The following PHF14 variants were observed in gnomAD, a reference collection of about 807,000 sequenced individuals.
The protein encoded by PHF14 is PHD finger protein 14.
Under a neutral mutation model 117.9 loss-of-function variants are expected in PHF14, and 55 were observed. The observed-to-expected ratio is 0.47, with a 90% CI of 0.38 to 0.58. The LOEUF (loss-of-function observed/expected upper bound fraction) is 0.58. Among genes scored for constraint, PHF14 ranks in the 20% least tolerant of loss-of-function variants. PHF14 has a pLI of 0.00. For missense variants in PHF14, 978 were observed against 1,122.2 expected (o/e 0.87, Z 1.84); for synonymous variants, 409 against 368.6 (o/e 1.11, Z -1.26).
In PHF14 at chr7:11,036,702, C is replaced by G; in HGVS notation, c.1873+14C>G. Reference sequence around the variant, plus strand: ...ATTATTATTTTGGTCAGTATAGACACTGGTACATGCACATTTTCACTGAGA... The same window carrying G: ...ATTATTATTTTGGTCAGTATAGACAGTGGTACATGCACATTTTCACTGAGA... On this transcript the variant is annotated intron_variant, in intron 9 of 17. Transcript: ENST00000634607. 3 of 1,601,222 alleles carry G rather than the reference C, an allele frequency of 1.9e-6. No homozygotes were observed. Among genetic ancestry groups the G allele is most frequent in the Non-Finnish European group, 2.6e-6 (3 of 1,170,680 alleles).
chr7:11,119,152 C>A (rs1303293587), intron 17 of PHF14, among the ~76,000 whole-genome samples: 2 of 151,842 alleles, frequency 1.3e-5, no homozygotes, highest in African/African-American at 4.8e-5. Flanking sequence ...GATAATTAAT[C>A]AAAGTACAGT....
Position 10,982,861 on chromosome 7 carries a change from A to C in PHF14, c.602A>C (p.Asn201Thr). 6.2e-7 allele frequency: 1 copy of C among 1,613,774 alleles called. No homozygotes were observed. The highest frequency in any genetic ancestry group is 8.5e-7 in the Non-Finnish European group (1 of 1,179,738). The change falls in exon 3 of 18, where the codon AAT becomes ACT. Residue 201 changes from asparagine (N) to threonine (T), a missense_variant. Transcript: ENST00000634607. ...GATTTTGTGTCCATGGAAGAGCTGA[A>C]TGACATGGATGACTATGACAGTGAG... is the stretch of plus-strand genomic sequence containing the variant. ...LLDFVSMEEL[N>T]DMDDYDSEDD...
At position 11,013,865 on chromosome 7, in the gene PHF14, T is replaced by C; in HGVS notation, c.1164T>C (p.Cys388=). The C allele has an allele frequency of 6.2e-7, 1 of 1,608,896 alleles. No individual in the cohort carries two copies. Among genetic ancestry groups the C allele is most frequent in the African/African-American group, 1.3e-5 (1 of 75,002 alleles). The stretch of plus-strand genomic sequence containing the variant: ...GTGTTTCTCCTAGCTGTGAACTGTG[T>C]CCTAATCAGGATGGAATTTTCAAGG... The part of the protein sequence containing the change: ...KCGVSPSCEL[C]PNQDGIFKET... The change falls in exon 5 of 18, where the codon TGT becomes TGC. Residue 388 remains cysteine, a synonymous_variant. Transcript: ENST00000634607.
At chr7:11,123,593 A>G (rs1310977181) in intron 17 of PHF14, among the ~76,000 whole-genome samples, 1 of 152,168 alleles carries the variant, frequency 6.6e-6, no homozygotes, top group Non-Finnish European at 1.5e-5. Context: ...CAGCCTAGTC[A>G]ATATGGTGAA....
rs1781770330 is a variant in PHF14 at position 10,973,952 on chromosome 7, T to G, written c.-372T>G. 4.9e-6 allele frequency: 1 copy of G among 205,986 alleles called. No homozygotes were observed. The highest frequency in any genetic ancestry group is 2.3e-5 in the African/African-American group (1 of 42,592). The allele number at this position is 205,986 out of a possible 1,614,324, so 12.8% of individuals were successfully genotyped here. A position where few individuals can be genotyped will look rare whatever the true frequency, so the allele number is the denominator to read the frequency against. On this transcript the variant is annotated 5_prime_UTR_variant, in exon 1 of 18. Coordinates refer to ENST00000634607, the MANE Select transcript of PHF14 (RefSeq NM_001007157.2). Reference sequence around the variant, plus strand: ...CGCCCTCGCGCTGTGCAATTTCTGGTCTTTCGTTGCTTCTGGTCCAGGCTA... The same window carrying G: ...CGCCCTCGCGCTGTGCAATTTCTGGGCTTTCGTTGCTTCTGGTCCAGGCTA...
intron 17 of PHF14, among the ~76,000 whole-genome samples, chr7:11,151,054 G>A (rs1788688326): frequency 6.6e-6 from 1 of 152,024 alleles, no homozygotes; most frequent in Non-Finnish European, 1.5e-5. Flanking sequence ...AATAAGAAAA[G>A]CAAAATAGAA....
At position 10,982,910 on chromosome 7, in the gene PHF14, T is replaced by C; in HGVS notation, c.651T>C (p.Thr217=). ...DSEDDNDWRP[T]VVKRKGRSAS... is the part of the protein sequence containing the mutation. ...AGGATGACAATGATTGGCGACCTACTGTAGTAAAGAGAAAAGGGAGATCTG... is the reference window on the plus strand; with the variant it reads ...AGGATGACAATGATTGGCGACCTACCGTAGTAAAGAGAAAAGGGAGATCTG... Residue 217 remains threonine, a synonymous_variant, in exon 3 of 18, where the codon ACT becomes ACC. Transcript: ENST00000634607. 1 of 1,612,714 alleles carries C rather than the reference T, an allele frequency of 6.2e-7. No individual in the cohort carries two copies. Among genetic ancestry groups the C allele is most frequent in the Non-Finnish European group, 8.5e-7 (1 of 1,179,184 alleles).
intron 4 of PHF14, among the ~76,000 whole-genome samples, chr7:11,006,089 C>T (rs1413068566): frequency 2.6e-5 from 4 of 152,036 alleles, no homozygotes; most frequent in African/African-American, 7.2e-5. Context: ...ATTTCTTAGT[C>T]AAAAGATAAG....
chr7:11,004,445 G>A (rs1479327911), intron 4 of PHF14, among the ~76,000 whole-genome samples: 5 of 144,996 alleles, frequency 3.4e-5, no homozygotes, highest in African/African-American at 1.3e-4. Flanking sequence ...CTTATAATCT[G>A]TATACCTCTA....
intron 6 of PHF14, among the ~76,000 whole-genome samples, chr7:11,027,235 G>C (rs1056137599): frequency 2.7e-4 from 41 of 151,904 alleles, no homozygotes; most frequent in Non-Finnish European, 5.2e-4. Flanking sequence ...TATCTCTCTT[G>C]CTCAATCTCA....
Position 11,040,664 on chromosome 7 carries a change from A to G in PHF14, c.2077-8A>G. On this transcript the variant is annotated splice_polypyrimidine_tract_variant and splice_region_variant and intron_variant, in intron 11 of 17. Transcript: ENST00000634607. ...AACAATATATACTACATTTGTTCAA[A>G]TCAATAGAAGTTGAATATACCGGCA... The G allele has an allele frequency of 6.8e-7, 1 of 1,473,524 alleles. No individual in the cohort carries two copies. The highest frequency in any genetic ancestry group is 9.2e-7 in the Non-Finnish European group (1 of 1,085,796). 91.3% of individuals were successfully genotyped at this position (1,473,524 alleles called of 1,614,324 possible).
intron 12 of PHF14, 31 bp downstream of exon 12, chr7:11,040,806 ATGT>A (rs752948754): frequency 5.5e-6 from 6 of 1,081,500 alleles, no homozygotes; most frequent in African/African-American, 3.3e-5. Flanking sequence ...TGATAGAATA[ATGT>A]TGTGTATTTT....
At chr7:11,109,390 AC>A (rs1787369254) in intron 16 of PHF14, 1 of 149,640 alleles carries the variant, frequency 6.7e-6, no homozygotes, top group Non-Finnish European at 1.5e-5. Flanking sequence ...CTTACTGATG[AC>A]CTGAGATGAC....
At chr7:10,994,299 C>T (rs180904653) in intron 4 of PHF14, among the ~76,000 whole-genome samples, 79 of 152,208 alleles carry the variant, frequency 5.2e-4, no homozygotes, top group Admixed American at 2.0e-3. Flanking sequence ...ATTAGCTGGG[C>T]ATGGTGGCAT....
At chr7:11,111,261 T>G in intron 16 of PHF14, 89 bp from the exon 17 acceptor site, 2 of 597,966 alleles carry the variant, frequency 3.3e-6, no homozygotes, top group Admixed American at 5.7e-5. Flanking sequence ...AGTTGAAATA[T>G]ACAATAGTTT....
In PHF14 at chr7:10,976,980, A is replaced by C. The variant is rs73063409; in HGVS notation, c.112+2035A>C. Among the ~76,000 whole-genome samples, 1,337 of 151,470 alleles carry C rather than the reference A, an allele frequency of 8.8e-3. 12 individuals are homozygous for C. Among genetic ancestry groups the C allele is most frequent in the East Asian group, 0.042 (216 of 5,158 alleles). ...ATTTAGAAGAAAATGATTGTATTTAAAATGATTAGTAGTCAACAGAAATTG... is the reference window on the plus strand; with the variant it reads ...ATTTAGAAGAAAATGATTGTATTTACAATGATTAGTAGTCAACAGAAATTG... On this transcript the variant is annotated intron_variant, in intron 2 of 17. Transcript: ENST00000634607.
intron 17 of PHF14, 25 bp downstream of exon 17, chr7:11,111,492 A>G: frequency 8.5e-7 from 1 of 1,169,648 alleles, no homozygotes; most frequent in Non-Finnish European, 1.3e-6. Flanking sequence ...CTATAAGAAA[A>G]GGTATTGGTG....
intron 16 of PHF14, chr7:11,103,738 A>G: frequency 1.0e-6 from 1 of 984,972 alleles, no homozygotes. Context: ...AGCAATTGTA[A>G]TTGTAAAGCT....
intron 17 of PHF14, among the ~76,000 whole-genome samples, chr7:11,129,619 C>G (rs1418699636): frequency 8.8e-6 from 1 of 113,234 alleles, no homozygotes; most frequent in Non-Finnish European, 1.9e-5. Context: ...AAAATATTTT[C>G]TTTCTGTTGA....
Sources: gnomAD v4.1 joint callset for allele counts (sites outside exome capture counted in the v4.1 genomes callset) on GRCh38, gnomAD v4.1.1 for gene constraint, MANE v1.5 for transcripts, NCBI Gene and HGNC (gene_info 2026-07-23, HGNC 2026-07-21) for gene names.